The following ZHX2 variants were observed in gnomAD, a reference collection of about 807,000 sequenced individuals.
The protein encoded by ZHX2 is zinc fingers and homeoboxes protein 2.
ZHX2 carries 6 observed loss-of-function variants against 21.9 expected under a neutral mutation model. The ratio of observed to expected loss-of-function variants is 0.27; its 90% CI spans 0.15 to 0.54. ZHX2 has a LOEUF of 0.54. Among genes scored for constraint, ZHX2 ranks in the 20% least tolerant of loss-of-function variants. The pLI is 0.95. For synonymous variants in ZHX2, 434 were observed against 437.1 expected (o/e 0.99, Z 0.09); for missense variants, 908 against 1,090.7 (o/e 0.83, Z 2.36).
chr8:122,787,380 T>C (rs1203463687), intron 1 of ZHX2, among the ~76,000 whole-genome samples: 2 of 152,230 alleles, frequency 1.3e-5, no homozygotes, highest in Non-Finnish European at 2.9e-5. Flanking sequence ...ATTTAACACA[T>C]AACAGAATCT....
intron 2 of ZHX2, among the ~76,000 whole-genome samples, chr8:122,934,758 A>G (rs963415310): frequency 6.6e-6 from 1 of 151,892 alleles, no homozygotes; most frequent in Admixed American, 6.6e-5. Flanking sequence ...GCACAATCTT[A>G]GCTCACTGCA....
intron 1 of ZHX2, chr8:122,809,017 C>A (rs965554252): frequency 2.6e-5 from 4 of 152,196 alleles, no homozygotes; most frequent in Non-Finnish European, 5.9e-5. Flanking sequence ...AACCTCCTAA[C>A]AGAGATGGTG....
At chr8:122,853,976 G>C (rs749347490) in intron 1 of ZHX2, among the ~76,000 whole-genome samples, 3 of 152,088 alleles carry the variant, frequency 2.0e-5, no homozygotes, top group Non-Finnish European at 2.9e-5. Flanking sequence ...TTTGAACCAC[G>C]GGCCACCAGC....
intron 2 of ZHX2, among the ~76,000 whole-genome samples, chr8:122,888,279 A>C (rs1819890960): frequency 6.6e-6 from 1 of 151,450 alleles, no homozygotes; most frequent in Non-Finnish European, 1.5e-5. Flanking sequence ...AAATTATTTT[A>C]ATGGACACAT....
intron 1 of ZHX2, among the ~76,000 whole-genome samples, chr8:122,795,507 C>T (rs1214610001): frequency 2.0e-5 from 3 of 152,144 alleles, no homozygotes; most frequent in African/African-American, 7.2e-5. Context: ...AGCAATATCA[C>T]AACTGTCCTT....
chr8:122,927,671 A>G (rs1371479299), intron 2 of ZHX2, among the ~76,000 whole-genome samples: 1 of 152,028 alleles, frequency 6.6e-6, no homozygotes, highest in Non-Finnish European at 1.5e-5. Context: ...ATCAGATCTC[A>G]TGAGACTCAT....
At chr8:122,854,542 A>G (rs563017842) in intron 1 of ZHX2, among the ~76,000 whole-genome samples, 24 of 151,628 alleles carry the variant, frequency 1.6e-4, no homozygotes, top group African/African-American at 3.9e-4. Context: ...CAGTCCCTCG[A>G]CGCCTCTTTC....
rs1817299898 is a variant in ZHX2, at chr8:122,782,120, A to G, written c.-283+174A>G. On this transcript the variant is annotated intron_variant, in intron 1 of 3. Coordinates refer to ENST00000314393, the MANE Select transcript of ZHX2 (RefSeq NM_014943.5). The surrounding 1 kb of genome is among the most constrained non-coding windows in gnomAD (Gnocchi z 5.3). Reference sequence around the variant, plus strand: ...CCGGGTTTGTGATTGGAAGGGGGGTACGGAAGGGGGGGGGTGTGCAGGCTC... The same window carrying G: ...CCGGGTTTGTGATTGGAAGGGGGGTGCGGAAGGGGGGGGGTGTGCAGGCTC... Among the ~76,000 whole-genome samples the G allele has an allele frequency of 2.0e-5, 1 of 49,662 alleles. No homozygotes were observed. Among genetic ancestry groups the G allele is most frequent in the Non-Finnish European group, 5.3e-5 (1 of 18,704 alleles). The allele number at this position is 49,662 out of a possible 152,430, so 32.6% of individuals were successfully genotyped here.
At chr8:122,963,537 G>T (rs1813509452) in intron 3 of ZHX2, among the ~76,000 whole-genome samples, 1 of 152,118 alleles carries the variant, frequency 6.6e-6, no homozygotes, top group South Asian at 2.1e-4. Context: ...TTGTAATATA[G>T]TTTGAAGTAA....
At position 122,810,789 on chromosome 8, in the gene ZHX2, C is replaced by CT. The variant is rs149436541; in HGVS notation, c.-283+28855dup. On this transcript the variant is annotated intron_variant, in intron 1 of 3. Coordinates refer to ENST00000314393, the MANE Select transcript of ZHX2 (RefSeq NM_014943.5). ...ATGGAATATCCACAGACTAGCATGT[C>CT]TTTTTTTTTTTTATTATTATACTTT... Among the ~76,000 whole-genome samples the CT allele has an allele frequency of 1.3e-3, 193 of 146,642 alleles. 2 individuals are homozygous for CT. The highest frequency in any genetic ancestry group is 3.5e-3 in the Middle Eastern group (1 of 282).
At chr8:122,921,059 G>GC (rs1554585527) in intron 2 of ZHX2, among the ~76,000 whole-genome samples, 1 of 150,926 alleles carries the variant, frequency 6.6e-6, no homozygotes, top group East Asian at 1.9e-4. Context: ...GGAAGGACAT[G>GC]TTTTTTTTTG....
At chr8:122,881,935 C>A (rs1819723780) in intron 2 of ZHX2, among the ~76,000 whole-genome samples, 1 of 152,168 alleles carries the variant, frequency 6.6e-6, no homozygotes, top group South Asian at 2.1e-4. Context: ...GCACTGTGCA[C>A]CCAGATTTGC....
At chr8:122,895,551 C>T (rs556177512) in intron 2 of ZHX2, among the ~76,000 whole-genome samples, 1 of 152,262 alleles carries the variant, frequency 6.6e-6, no homozygotes, top group African/African-American at 2.4e-5. Flanking sequence ...CTTTTTTCTG[C>T]TCTTTTTGTT....
chr8:122,945,932 C>A (rs964160540), intron 2 of ZHX2, among the ~76,000 whole-genome samples: 2 of 152,132 alleles, frequency 1.3e-5, no homozygotes, highest in African/African-American at 4.8e-5. Context: ...CTGGATGGTG[C>A]AGCCCAAGGG....
At chr8:122,967,353 T>C (rs1025280016) in intron 3 of ZHX2, among the ~76,000 whole-genome samples, 28 of 152,210 alleles carry the variant, frequency 1.8e-4, no homozygotes, top group African/African-American at 6.0e-4. Context: ...CCTTGATGTG[T>C]TGCTCTCCCC....
intron 2 of ZHX2, among the ~76,000 whole-genome samples, chr8:122,911,731 A>G (rs1233072932): frequency 6.6e-6 from 1 of 152,174 alleles, no homozygotes; most frequent in African/African-American, 2.4e-5. Context: ...GCAAATAATC[A>G]TAAATAGACC....
At chr8:122,958,151 G>A (rs1170676487) in intron 3 of ZHX2, among the ~76,000 whole-genome samples, 6 of 152,126 alleles carry the variant, frequency 3.9e-5, no homozygotes, top group Admixed American at 3.9e-4. Context: ...TCCTCTGTAG[G>A]CGTTAAGCAT....
At chr8:122,867,089 C>G (rs914333294) in intron 2 of ZHX2, among the ~76,000 whole-genome samples, 3 of 152,082 alleles carry the variant, frequency 2.0e-5, no homozygotes, top group Non-Finnish European at 4.4e-5. Flanking sequence ...CCACCTCAGC[C>G]TCCCAAGGTG....
chr8:122,938,817 A>G (rs1812768942), intron 2 of ZHX2, among the ~76,000 whole-genome samples: 1 of 152,106 alleles, frequency 6.6e-6, no homozygotes, highest in South Asian at 2.1e-4. Flanking sequence ...CAGCCTGGGC[A>G]ACAGAGCAAG....
Sources: gnomAD v4.1 joint callset for allele counts (sites outside exome capture counted in the v4.1 genomes callset) on GRCh38, gnomAD v4.1.1 for gene constraint, Gnocchi (gnomAD v3.1) non-coding constraint, MANE v1.5 for transcripts, NCBI Gene and HGNC (gene_info 2026-07-23, HGNC 2026-07-21) for gene names.